CAMK1: variants seen among roughly 807,000 people sequenced by gnomAD.
CAMK1 encodes calcium/calmodulin-dependent protein kinase type 1.
In CAMK1, 39 loss-of-function variants were observed where a neutral mutation model predicts 49.1. That is an observed-to-expected ratio of 0.79 (90% CI 0.62 to 1.04). CAMK1 has a LOEUF of 1.04. Among genes scored for constraint, CAMK1 ranks in the 50% least tolerant of loss-of-function variants. The pLI, the probability that CAMK1 is intolerant of heterozygous loss-of-function variation, is 0.00. For missense variants in CAMK1, 457 were observed against 472.2 expected (o/e 0.97, Z 0.30); for synonymous variants, 192 against 185.2 (o/e 1.04, Z -0.30).
chr3:9,769,387 A>T (rs1270737667), intron 1 of CAMK1, among the ~76,000 whole-genome samples: 1 of 152,062 alleles, frequency 6.6e-6, no homozygotes, highest in Admixed American at 6.5e-5. Flanking sequence ...ACACAATTGT[A>T]CACCCCCTCC....
intron 10 of CAMK1, chr3:9,758,383 C>T (rs1389609867): frequency 1.3e-5 from 2 of 155,446 alleles, no homozygotes; most frequent in African/African-American, 4.8e-5. Flanking sequence ...ATGGTACCAC[C>T]ACCATCCATT....
rs776833307 is a variant in CAMK1 at position 9,759,534 on chromosome 3, G to A, written c.866C>T (p.Ser289Leu). 8.1e-6 allele frequency: 13 copies of A among 1,614,102 alleles called. No individual in the cohort carries two copies. Among genetic ancestry groups the A allele is most frequent in the African/African-American group, 1.3e-5 (1 of 75,020 alleles). Residue 289 changes from serine (S) to leucine (L), a missense_variant, in exon 10 of 12, where the codon TCG (serine) becomes TTG (leucine). Coordinates refer to ENST00000256460, the MANE Select transcript of CAMK1 (RefSeq NM_003656.5). ...GTTCTTCTTGATCTGCTCACTCACC[G>A]ACTGGTGGATATTCTTATCTAGAGC... ...DTALDKNIHQ[S>L]VSEQIKKNFA...
intron 7 of CAMK1, 111 bp downstream of exon 7, chr3:9,761,350 G>T: frequency 9.3e-7 from 1 of 1,070,310 alleles, no homozygotes; most frequent in Non-Finnish European, 1.4e-6. Context: ...GTGGAAGGAA[G>T]GGAGGGAGGG....
At chr3:9,759,642 C>G (rs771326810) in intron 9 of CAMK1, 30 bp downstream of exon 9, 18 of 1,613,996 alleles carry the variant, frequency 1.1e-5, no homozygotes, top group Non-Finnish European at 1.4e-5. Flanking sequence ...CCAAATCCCG[C>G]CCCAGCTCAC....
chr3:9,757,882 G>A lies in CAMK1; in HGVS notation c.913-36C>T, dbSNP rs1327835091. The A allele has an allele frequency of 6.4e-7, 1 of 1,571,522 alleles. No homozygotes were observed. Among genetic ancestry groups the A allele is most frequent in the Non-Finnish European group, 8.7e-7 (1 of 1,152,720 alleles). ...AGGCATTGAAGGGAGAGGGGAGAAAGGACTTTTGAGAGAGTCAAGTCATGG... is the reference window on the plus strand; with the variant it reads ...AGGCATTGAAGGGAGAGGGGAGAAAAGACTTTTGAGAGAGTCAAGTCATGG... On this transcript the variant is annotated intron_variant, in intron 10 of 11. Coordinates refer to ENST00000256460, the MANE Select transcript of CAMK1 (RefSeq NM_003656.5). The surrounding 1 kb of genome is among the most constrained non-coding windows in gnomAD (Gnocchi z 4.5).
chr3:9,769,507 C>T (rs1471078530), intron 1 of CAMK1, among the ~76,000 whole-genome samples: 1 of 152,166 alleles, frequency 6.6e-6, no homozygotes, highest in Non-Finnish European at 1.5e-5. Context: ...ATGTCTGACC[C>T]ACACGCCTGT....
chr3:9,761,372 G>A (rs2125576697), intron 7 of CAMK1, 89 bp downstream of exon 7: 1 of 1,338,946 alleles, frequency 7.5e-7, no homozygotes, highest in Non-Finnish European at 1.0e-6. Flanking sequence ...AGGAAGGGAG[G>A]GCAGAGGGAG....
At chr3:9,769,546 C>G (rs1233177279) in intron 1 of CAMK1, among the ~76,000 whole-genome samples, 2 of 152,192 alleles carry the variant, frequency 1.3e-5, no homozygotes, top group Non-Finnish European at 2.9e-5. Context: ...GCAAGCCCCC[C>G]CACCCCATGG....
chr3:9,763,479 A>G (rs1269796286), intron 3 of CAMK1, among the ~76,000 whole-genome samples: 1 of 151,712 alleles, frequency 6.6e-6, no homozygotes, highest in Non-Finnish European at 1.5e-5. Flanking sequence ...CACTGCCTAC[A>G]TACCTGGGTA....
intron 8 of CAMK1, chr3:9,760,455 C>T: frequency 3.7e-6 from 2 of 537,766 alleles, no homozygotes; most frequent in South Asian, 4.2e-5. Context: ...AAATGAATGC[C>T]TAGTTTCTCA....
chr3:9,765,170 T>C (rs1237401903), intron 3 of CAMK1, among the ~76,000 whole-genome samples: 5 of 149,574 alleles, frequency 3.3e-5, no homozygotes, highest in Admixed American at 6.7e-5. Flanking sequence ...GAGGTTGCAG[T>C]GAGCCAAGAT....
At chr3:9,765,677 T>G in intron 3 of CAMK1, 82 bp downstream of exon 3, 1 of 1,493,544 alleles carries the variant, frequency 6.7e-7, no homozygotes, top group Non-Finnish European at 9.1e-7. Context: ...GTTTAAATGA[T>G]TTGTCCAAAG....
chr3:9,766,326 T>G (rs2078150618), intron 2 of CAMK1: 1 of 690,804 alleles, frequency 1.4e-6, no homozygotes, highest in Non-Finnish European at 2.6e-6. Flanking sequence ...GGTCTACCCC[T>G]GGGCTTTTGG....
intron 2 of CAMK1, 139 bp from the exon 3 acceptor site, chr3:9,766,029 C>T (rs1165375371): frequency 5.0e-6 from 8 of 1,611,878 alleles, no homozygotes; most frequent in Non-Finnish European, 5.1e-6. Context: ...CATCCATCCC[C>T]TGGCTCCAGA....
At chr3:9,765,143 C>A (rs576866380) in intron 3 of CAMK1, among the ~76,000 whole-genome samples, 1 of 151,582 alleles carries the variant, frequency 6.6e-6, no homozygotes, top group East Asian at 2.0e-4. Context: ...AAGAGAATTG[C>A]TTGAACCCAA....
At chr3:9,758,027 C>T in intron 10 of CAMK1, 181 bp from the exon 11 acceptor site, 2 of 864,602 alleles carry the variant, frequency 2.3e-6, no homozygotes, top group Non-Finnish European at 1.7e-6. Flanking sequence ...TTTACACACA[C>T]ACACGCACAT....
chr3:9,762,850 G>C (rs2077949639), intron 5 of CAMK1, 64 bp downstream of exon 5: 1 of 1,547,522 alleles, frequency 6.5e-7, no homozygotes, highest in Non-Finnish European at 8.9e-7. Flanking sequence ...AGGTCAGACA[G>C]TTTGGGGTTT....
In CAMK1 at chr3:9,763,129, G is replaced by A. The variant is rs1202297475; in HGVS notation, c.290+10C>T. The A allele has an allele frequency of 6.2e-7, 1 of 1,613,978 alleles. No individual in the cohort carries two copies. Among genetic ancestry groups the A allele is most frequent in the African/African-American group, 1.3e-5 (1 of 74,892 alleles). ...AGGTGTGGGGGCAGGGCAGAGGTTG[G>A]GCCACTCACAGCTGCATGATGAGGT... On this transcript the variant is annotated intron_variant, in intron 4 of 11. Transcript: ENST00000256460.
intron 8 of CAMK1, 175 bp downstream of exon 8, chr3:9,760,481 A>C: frequency 1.7e-6 from 1 of 593,690 alleles, no homozygotes; most frequent in Non-Finnish European, 3.0e-6. Flanking sequence ...GGAGCCAAGC[A>C]GAAGGAAGTA....
Sources: gnomAD v4.1 joint callset for allele counts (sites outside exome capture counted in the v4.1 genomes callset) on GRCh38, gnomAD v4.1.1 for gene constraint, Gnocchi (gnomAD v3.1) non-coding constraint, MANE v1.5 for transcripts, NCBI Gene and HGNC (gene_info 2026-07-23, HGNC 2026-07-21) for gene names.